The following FOXP1 variants were observed in gnomAD, a reference collection of about 807,000 sequenced individuals.
FOXP1 encodes the protein forkhead box protein P1.
FOXP1 carries 15 observed loss-of-function variants against 98.2 expected under a neutral mutation model. The observed-to-expected ratio is 0.15, with a 90% CI of 0.10 to 0.24. FOXP1 has a LOEUF of 0.24. Ranked by LOEUF, FOXP1 falls within the 10% of genes least tolerant of loss-of-function variation. The pLI is 1.00. For missense variants in FOXP1, 633 were observed against 848.5 expected (o/e 0.75, Z 3.15); for synonymous variants, 371 against 314.5 (o/e 1.18, Z -1.90).
rs112681983 is a variant in FOXP1 at position 71,406,403 on chromosome 3, G to GTATATATATATATATA, written c.-167-47160_-167-47159insTATATATATATATATA. On this transcript the variant is annotated intron_variant, in intron 3 of 20. Transcript: ENST00000649528. The stretch of plus-strand genomic sequence containing the variant: ...TTTAATTGACACATAATAACTGTAT[G>GTATATATATATATATA]TGTATATATATATATATATATGGTA... Among the ~76,000 whole-genome samples, 52 of 107,934 alleles carry GTATATATATATATATA rather than the reference G, an allele frequency of 4.8e-4. 1 individual carries two copies. Among genetic ancestry groups the GTATATATATATATATA allele is most frequent in the Non-Finnish European group, 9.5e-4 (44 of 46,146 alleles). The allele number at this position is 107,934 out of a possible 152,430, so 70.8% of individuals were successfully genotyped here.
At chr3:71,405,083 C>T (rs2108235755) in intron 3 of FOXP1, among the ~76,000 whole-genome samples, 1 of 152,336 alleles carries the variant, frequency 6.6e-6, no homozygotes, top group East Asian at 1.9e-4. Flanking sequence ...CAAATTTCCA[C>T]ACATCTGCCT....
At chr3:71,516,714 C>T (rs113940323) in intron 2 of FOXP1, among the ~76,000 whole-genome samples, 21,160 of 151,988 alleles carry the variant, frequency 0.14, 1,726 homozygotes, top group Middle Eastern at 0.21. Flanking sequence ...GGTGTTGTGG[C>T]GGGCACCTGC....
intron 2 of FOXP1, among the ~76,000 whole-genome samples, chr3:71,533,880 GT>G (rs1437872474): frequency 6.6e-6 from 1 of 152,108 alleles, no homozygotes; most frequent in Non-Finnish European, 1.5e-5. Context: ...TCAAAAATGG[GT>G]TTAAGGTGAT....
At chr3:71,507,890 T>G (rs556469892) in intron 2 of FOXP1, among the ~76,000 whole-genome samples, 1 of 152,364 alleles carries the variant, frequency 6.6e-6, no homozygotes, top group East Asian at 1.9e-4. Flanking sequence ...AACTGCTACT[T>G]TTTAAAGTTA....
chr3:71,436,833 T>C (rs1243234812), intron 3 of FOXP1, among the ~76,000 whole-genome samples: 1 of 152,192 alleles, frequency 6.6e-6, no homozygotes, highest in Non-Finnish European at 1.5e-5. Flanking sequence ...TATAATAATG[T>C]AATTTTGGCG....
intron 3 of FOXP1, among the ~76,000 whole-genome samples, chr3:71,462,015 G>A (rs563702258): frequency 6.6e-6 from 1 of 152,262 alleles, no homozygotes; most frequent in African/African-American, 2.4e-5. Context: ...TGCTAACAAG[G>A]ACGTCCCATA....
intron 5 of FOXP1, among the ~76,000 whole-genome samples, chr3:71,232,513 G>A (rs2066373306): frequency 6.6e-6 from 1 of 152,084 alleles, no homozygotes; most frequent in Non-Finnish European, 1.5e-5. Flanking sequence ...AATAAATAAT[G>A]ATGTCTTCTT....
intron 7 of FOXP1, among the ~76,000 whole-genome samples, chr3:71,073,044 T>A (rs1333794772): frequency 3.3e-5 from 5 of 152,244 alleles, no homozygotes; most frequent in Non-Finnish European, 5.9e-5. Flanking sequence ...AAGCAGTAGA[T>A]GAAGCAGGAA....
At chr3:70,973,217 G>C (rs1450445846) in intron 17 of FOXP1, among the ~76,000 whole-genome samples, 1 of 151,980 alleles carries the variant, frequency 6.6e-6, no homozygotes, top group Non-Finnish European at 1.5e-5. Flanking sequence ...AAAGGATCGG[G>C]GGGTGGTGAA....
chr3:71,397,377 C>T (rs539570212), intron 3 of FOXP1, among the ~76,000 whole-genome samples: 2 of 152,094 alleles, frequency 1.3e-5, no homozygotes, highest in South Asian at 4.2e-4. Context: ...AATCTGGGAA[C>T]GTTTTATCTG....
intron 5 of FOXP1, chr3:71,296,183 G>A (rs2073268772): frequency 6.6e-6 from 1 of 152,168 alleles, no homozygotes; most frequent in South Asian, 2.1e-4. Flanking sequence ...TACCTTTGTA[G>A]GCATATTTCT....
At chr3:71,013,909 C>T (rs1236262303) in intron 12 of FOXP1, among the ~76,000 whole-genome samples, 1 of 152,156 alleles carries the variant, frequency 6.6e-6, no homozygotes, top group Non-Finnish European at 1.5e-5. Context: ...AAAGGATTCC[C>T]TATTTAATAA....
intron 2 of FOXP1, among the ~76,000 whole-genome samples, chr3:71,536,555 C>T (rs2044306531): frequency 6.7e-6 from 1 of 148,458 alleles, no homozygotes; most frequent in Non-Finnish European, 1.5e-5. Context: ...ATCACTTAAA[C>T]ACTTCTAAAC....
chr3:71,544,457 GTAC>G (rs764466396), intron 2 of FOXP1, among the ~76,000 whole-genome samples: 30 of 151,156 alleles, frequency 2.0e-4, no homozygotes, highest in Non-Finnish European at 2.9e-4. Context: ...GATCGTGGAA[GTAC>G]TACAAGTGAA....
chr3:71,056,027 A>C (rs573883817), intron 7 of FOXP1, among the ~76,000 whole-genome samples: 1 of 152,260 alleles, frequency 6.6e-6, no homozygotes, highest in South Asian at 2.1e-4. Context: ...TAGAAACCTT[A>C]TACTAGAAAG....
chr3:71,345,239 T>A (rs533517175), intron 4 of FOXP1, among the ~76,000 whole-genome samples: 1 of 151,628 alleles, frequency 6.6e-6, no homozygotes, highest in South Asian at 2.1e-4. Context: ...AATACAAAAA[T>A]TCGCTGGGTG....
At chr3:70,999,871 G>A (rs779646414) in intron 13 of FOXP1, among the ~76,000 whole-genome samples, 2 of 152,122 alleles carry the variant, frequency 1.3e-5, no homozygotes, top group Non-Finnish European at 2.9e-5. Flanking sequence ...TACAAAATAG[G>A]CTTTTCGATG....
At chr3:71,219,209 C>G (rs1008589291) in intron 5 of FOXP1, among the ~76,000 whole-genome samples, 1 of 152,290 alleles carries the variant, frequency 6.6e-6, no homozygotes, top group East Asian at 1.9e-4. Context: ...CTTTGTAACT[C>G]TGAATGTGAA....
At chr3:71,024,648 AT>A (rs1467516158) in intron 11 of FOXP1, among the ~76,000 whole-genome samples, 2 of 152,174 alleles carry the variant, frequency 1.3e-5, no homozygotes, top group African/African-American at 2.4e-5. Context: ...TAATTAGAGG[AT>A]TTCACATTCC....
Sources: allele counts gnomAD v4.1 joint callset (sites outside exome capture counted in the v4.1 genomes callset), GRCh38; gene constraint gnomAD v4.1.1; transcripts MANE v1.5; gene names NCBI Gene and HGNC (gene_info 2026-07-23, HGNC 2026-07-21).